Variants in PDXDC1 observed in about 807,000 individuals in gnomAD.
PDXDC1 encodes the protein pyridoxal dependent decarboxylase domain containing 1.
In PDXDC1, 42 loss-of-function variants were observed where a neutral mutation model predicts 100.1. The observed-to-expected ratio is 0.42, with a 90% CI of 0.33 to 0.54. The LOEUF (loss-of-function observed/expected upper bound fraction) is 0.54. Among genes scored for constraint, PDXDC1 ranks in the 20% least tolerant of loss-of-function variants. The pLI is 0.10. For synonymous variants in PDXDC1, 260 were observed against 371.7 expected (o/e 0.70, Z 3.46); for missense variants, 636 against 979.2 (o/e 0.65, Z 4.68).
intron 16 of PDXDC1, chr16:15,133,085 G>A (rs981112939): frequency 8.0e-6 from 5 of 623,886 alleles, no homozygotes; most frequent in Admixed American, 2.9e-5. Context: ...AGCAGACGCC[G>A]GAGAGGGCCC....
intron 16 of PDXDC1, chr16:15,094,413 T>G: frequency 3.2e-6 from 2 of 627,116 alleles, no homozygotes; most frequent in East Asian, 2.7e-5. Flanking sequence ...CTCGTTCTAC[T>G]TGGAGGACTT....
chr16:15,008,123 T>A, intron 6 of PDXDC1, among the ~76,000 whole-genome samples: 1 of 152,288 alleles, frequency 6.6e-6, no homozygotes, highest in Non-Finnish European at 1.5e-5. Flanking sequence ...TTTTAATCCT[T>A]TAAGGAGAAA....
chr16:15,144,782 T>C, the PDXDC1 span, among the ~76,000 whole-genome samples: 7 of 152,290 alleles, frequency 4.6e-5, 1 homozygote, highest in South Asian at 4.1e-4. Context: ...GAGTCTGCGA[T>C]GTCCTTGCCT....
rs147219040 is a variant in PDXDC1, at chr16:15,005,016, C to T, written c.389+683C>T. On this transcript the variant is annotated intron_variant, in intron 5 of 22. Transcript: ENST00000396410. Reference sequence around the variant, plus strand: ...TCCACAGATGCAGAACCCATAGGTTCAGAGGGCCAGCTGTGCTTTGAAAAT... The same window carrying T: ...TCCACAGATGCAGAACCCATAGGTTTAGAGGGCCAGCTGTGCTTTGAAAAT... Among the ~76,000 whole-genome samples, 309 of 152,378 alleles carry T rather than the reference C, an allele frequency of 2.0e-3. 12 individuals are homozygous for T. The East Asian group carries it at 0.051, about 25-fold the overall frequency.
At chr16:15,005,520 C>T (rs1397198899) in intron 5 of PDXDC1, among the ~76,000 whole-genome samples, 1 of 152,250 alleles carries the variant, frequency 6.6e-6, no homozygotes, top group African/African-American at 2.4e-5. Flanking sequence ...CTTGAGAGAC[C>T]CTGACTTTCA....
At chr16:15,063,035 G>A (rs1328284905) in intron 16 of PDXDC1, among the ~76,000 whole-genome samples, 1 of 152,144 alleles carries the variant, frequency 6.6e-6, no homozygotes, top group Non-Finnish European at 1.5e-5. Context: ...GTAGAAACAG[G>A]GTGTCACTGT....
chr16:15,065,096 G>A (rs2044905682), intron 16 of PDXDC1: 1 of 942,034 alleles, frequency 1.1e-6, no homozygotes, highest in Non-Finnish European at 1.6e-6. Flanking sequence ...AACCCGGGAG[G>A]CGGAGCTTGC....
chr16:14,981,110 C>T (rs1337337481), intron 1 of PDXDC1, among the ~76,000 whole-genome samples: 2 of 152,274 alleles, frequency 1.3e-5, no homozygotes, highest in Admixed American at 1.3e-4. Context: ...AGCAAGTGAC[C>T]AGGAAGGATT....
intron 1 of PDXDC1, chr16:14,990,020 C>G (rs1970377713): frequency 2.0e-6 from 3 of 1,475,594 alleles, no homozygotes; most frequent in Non-Finnish European, 2.7e-6. Flanking sequence ...GAAGCAGGTG[C>G]AGGCCGCCCG....
At chr16:15,139,627 A>G (rs1319171638), downstream of PDXDC1, among the ~76,000 whole-genome samples, 1 of 151,114 alleles carries the variant, frequency 6.6e-6, no homozygotes, top group Non-Finnish European at 1.5e-5. Flanking sequence ...CAAGGAAAAA[A>G]AGAATCAGCC....
intron 16 of PDXDC1, chr16:15,056,081 C>T (rs2044509638): frequency 6.5e-6 from 2 of 307,140 alleles, no homozygotes; most frequent in Non-Finnish European, 4.9e-6. Context: ...CCTCGTCCTG[C>T]CCCGCCCCAC....
downstream of PDXDC1, chr16:15,041,143 GATACACTTTTTAAAGAA>G (rs755367571): frequency 7.0e-7 from 1 of 1,431,522 alleles, no homozygotes; most frequent in East Asian, 2.3e-5. Flanking sequence ...GAATGTTTAA[GATACACTTTTTAAAGAA>G]ATACCAAATG....
chr16:15,109,644 G>T (rs1380505935), intron 16 of PDXDC1, among the ~76,000 whole-genome samples: 1 of 91,166 alleles, frequency 1.1e-5, no homozygotes, highest in Non-Finnish European at 2.0e-5. Context: ...GTGACAGAGT[G>T]AGACTCTGTC....
rs188038149 is a variant in PDXDC1 at position 15,067,476 on chromosome 16, C to G, written c.1399+37420C>G. On this transcript the variant is annotated intron_variant, in intron 16 of 16. Transcript: ENST00000535621. ...ATGTAAAGTGCTTAGAACTGCCTGG[C>G]ACAGAGGAAAGGCTATGGATTAGCC... is the stretch of plus-strand genomic sequence containing the variant. Among the ~76,000 whole-genome samples, 130 of 111,134 alleles carry G rather than the reference C, an allele frequency of 1.2e-3. 3 individuals are homozygous for G. Among genetic ancestry groups the G allele is most frequent in the Admixed American group, 0.011 (104 of 9,566 alleles). 72.9% of individuals were successfully genotyped at this position (111,134 alleles called of 152,430 possible).
the PDXDC1 span, among the ~76,000 whole-genome samples, chr16:15,144,983 G>C: frequency 4.6e-5 from 7 of 152,306 alleles, no homozygotes; most frequent in East Asian, 1.4e-3. Flanking sequence ...GCCAGGCGTT[G>C]TGACCCCCTT....
intron 16 of PDXDC1, chr16:15,055,845 C>T: frequency 9.4e-7 from 1 of 1,060,596 alleles, no homozygotes; most frequent in Non-Finnish European, 1.2e-6. Flanking sequence ...CGCCCTGCAG[C>T]TTCCCCTCGG....
In PDXDC1 at chr16:15,137,844, C is replaced by T. The variant is rs2048399159; in HGVS notation, c.1400-1035C>T. ...CACGTGGCTGCCTCGGGCTGCACCA[C>T]CCGCACCTGCTGCTCCTCCGCCCAT... On this transcript the variant is annotated intron_variant, in intron 16 of 16. Transcript: ENST00000535621. 11 of 1,404,810 alleles carry T rather than the reference C, an allele frequency of 7.8e-6. No homozygotes were observed. In the African/African-American group the frequency reaches 1.1e-4, roughly 14 times the overall value. 87.0% of individuals were successfully genotyped at this position (1,404,810 alleles called of 1,614,324 possible).
At position 15,036,640 on chromosome 16, in the gene PDXDC1, TCA is replaced by T; in HGVS notation, c.*366_*367del. 2 of 263,806 alleles carry T rather than the reference TCA, an allele frequency of 7.6e-6. No individual in the cohort carries two copies. Among genetic ancestry groups the T allele is most frequent in the Admixed American group, 5.0e-5 (1 of 20,156 alleles). 16.3% of individuals were successfully genotyped at this position (263,806 alleles called of 1,614,324 possible). ...GGCAACTTTTTGGTAAAACAGCTTT[TCA>T]TTAGCACTCTCCAGGTTCTCTGCAA... On this transcript the variant is annotated 3_prime_UTR_variant, in exon 23 of 23. Transcript: ENST00000396410.
intron 16 of PDXDC1, chr16:15,136,499 C>T (rs1167114478): frequency 2.2e-5 from 18 of 804,060 alleles, no homozygotes; most frequent in East Asian, 5.3e-5. Flanking sequence ...ACTCCCCAGC[C>T]GCAGGCTCTG....
Sources: allele counts gnomAD v4.1 joint callset (sites outside exome capture counted in the v4.1 genomes callset), GRCh38; gene constraint gnomAD v4.1.1; transcripts MANE v1.5; gene names NCBI Gene and HGNC (gene_info 2026-07-23, HGNC 2026-07-21).